MATR3: variants seen among roughly 807,000 people sequenced by gnomAD.
MATR3 encodes matrin-3.
MATR3 carries 4 observed loss-of-function variants against 85.5 expected under a neutral mutation model. The observed-to-expected ratio is 0.05, with a 90% CI of 0.02 to 0.11. MATR3 has a LOEUF of 0.11. Among genes scored for constraint, MATR3 ranks in the 10% least tolerant of loss-of-function variants. The pLI, the probability that MATR3 is intolerant of heterozygous loss-of-function variation, is 1.00. For missense variants in MATR3, 685 were observed against 1,016.1 expected (o/e 0.67, Z 4.43); for synonymous variants, 336 against 343.1 (o/e 0.98, Z 0.23).
chr5:139,300,899 C>T (rs1475325223), intron 1 of MATR3, among the ~76,000 whole-genome samples: 1 of 150,366 alleles, frequency 6.7e-6, no homozygotes, highest in East Asian at 2.0e-4. Context: ...CTGCAACCTC[C>T]GTCTTCTGGG....
intron 3 of MATR3, among the ~76,000 whole-genome samples, chr5:139,284,341 G>A (rs879263044): frequency 6.6e-6 from 1 of 152,024 alleles, no homozygotes; most frequent in Non-Finnish European, 1.5e-5. Context: ...GGCCGGGCGC[G>A]GTTGCCTATA....
At chr5:139,312,635 A>G (rs1453424348) in intron 2 of MATR3, 1 of 152,142 alleles carries the variant, frequency 6.6e-6, no homozygotes, top group Non-Finnish European at 1.5e-5. Context: ...GTTCCATTTT[A>G]GTTTACAGGA....
chr5:139,316,219 C>T (rs775077479), intron 5 of MATR3, 31 bp downstream of exon 5: 1 of 1,498,706 alleles, frequency 6.7e-7, no homozygotes, highest in South Asian at 1.1e-5. Context: ...TTACTTTTCC[C>T]TACAGAGCCG....
intron 7 of MATR3, among the ~76,000 whole-genome samples, chr5:139,318,165 G>A (rs999933998): frequency 7.2e-5 from 11 of 152,148 alleles, no homozygotes; most frequent in African/African-American, 2.4e-4. Flanking sequence ...TCGGAGTCTC[G>A]CTCTGTCACC....
At position 139,329,853 on chromosome 5, in the gene MATR3, C is replaced by T. The variant is rs531169751; in HGVS notation, c.*458C>T. The T allele has an allele frequency of 6.8e-5, 31 of 454,468 alleles. No individual in the cohort carries two copies. The highest frequency in any genetic ancestry group is 2.0e-4 in the South Asian group (13 of 64,472). 28.2% of individuals were successfully genotyped at this position (454,468 alleles called of 1,614,324 possible). A position where few individuals can be genotyped will look rare whatever the true frequency, so the allele number is the denominator to read the frequency against. ...CAGACTTTCATTTGGAGTTTGAACC[C>T]GTTTTGGTTGCATTTCATTTTTGGA... On this transcript the variant is annotated 3_prime_UTR_variant, in exon 15 of 15. Transcript: ENST00000394805.
chr5:139,293,721 C>G, upstream of MATR3: 1 of 357,140 alleles, frequency 2.8e-6, no homozygotes, highest in Non-Finnish European at 5.0e-6. Context: ...TCGCCAGCGC[C>G]GTTGCTGCGG....
chr5:139,313,157 C>G (rs1561936560), intron 2 of MATR3: 1 of 151,706 alleles, frequency 6.6e-6, no homozygotes, highest in Non-Finnish European at 1.5e-5. Context: ...AGACATCCCC[C>G]TTTAAAAACA....
chr5:139,290,288 C>T (rs574644573), upstream of MATR3, among the ~76,000 whole-genome samples: 21 of 151,356 alleles, frequency 1.4e-4, no homozygotes, highest in African/African-American at 4.4e-4. Flanking sequence ...GGATTACAGG[C>T]GAGCGCCACC....
At chr5:139,320,406 C>A (rs893106592) in intron 9 of MATR3, among the ~76,000 whole-genome samples, 10 of 152,110 alleles carry the variant, frequency 6.6e-5, no homozygotes, top group African/African-American at 2.4e-4. Flanking sequence ...GAGTTTGAGA[C>A]CGCCCTGACA....
intron 14 of MATR3, among the ~76,000 whole-genome samples, chr5:139,326,853 A>G (rs377276980): frequency 9.9e-5 from 15 of 152,246 alleles, no homozygotes; most frequent in African/African-American, 1.9e-4. Flanking sequence ...AACTTATTCA[A>G]GTATTCTCAG....
At chr5:139,305,423 G>T (rs1754659255) in intron 1 of MATR3, among the ~76,000 whole-genome samples, 1 of 152,104 alleles carries the variant, frequency 6.6e-6, no homozygotes, top group Admixed American at 6.5e-5. Context: ...TCAAAAGACT[G>T]ACTTTTCAGT....
At chr5:139,290,752 T>G (rs1236517526), upstream of MATR3, among the ~76,000 whole-genome samples, 1 of 152,002 alleles carries the variant, frequency 6.6e-6, no homozygotes, top group African/African-American at 2.4e-5. Context: ...TGTCTGGCTT[T>G]AAGTTTATTT....
chr5:139,277,761 C>CTTT (rs35759733), intron 2 of MATR3, among the ~76,000 whole-genome samples: 3 of 128,032 alleles, frequency 2.3e-5, no homozygotes, highest in East Asian at 2.5e-4. Flanking sequence ...GTCTGCTCGT[C>CTTT]TTTTTTTTTT....
intron 3 of MATR3, chr5:139,280,009 T>C (rs1228436729): frequency 6.6e-6 from 1 of 152,216 alleles, no homozygotes; most frequent in East Asian, 1.9e-4. Context: ...AAGTTTATTA[T>C]GCACTGCTGT....
intron 3 of MATR3, among the ~76,000 whole-genome samples, chr5:139,280,844 A>ATTCTG (rs56150096): frequency 0.89 from 135,577 of 151,858 alleles, 60,777 homozygotes; most frequent in African/African-American, 0.97. Context: ...ATTCATTGGT[A>ATTCTG]TTCCTGTATT....
chr5:139,326,438 T>TA (rs397813418), intron 14 of MATR3, among the ~76,000 whole-genome samples, 154 bp downstream of exon 14: 4 of 151,312 alleles, frequency 2.6e-5, no homozygotes, highest in East Asian at 1.9e-4. Context: ...TTTTTTTTTT[T>TA]AAAGACAGTT....
chr5:139,297,464 AAAC>A (rs1463193284), intron 1 of MATR3, among the ~76,000 whole-genome samples: 5 of 152,256 alleles, frequency 3.3e-5, no homozygotes, highest in South Asian at 2.1e-4. Context: ...GTAAAACAGA[AAAC>A]AAGCCTATGG....
At chr5:139,295,282 G>A (rs1230666249) in intron 1 of MATR3, among the ~76,000 whole-genome samples, 2 of 152,172 alleles carry the variant, frequency 1.3e-5, no homozygotes, top group Non-Finnish European at 2.9e-5. Flanking sequence ...AAACGCTCTG[G>A]ATGATGCCTT....
At position 139,303,352 on chromosome 5, in the gene MATR3, G is replaced by A. The variant is rs182822128; in HGVS notation, c.-177-3887G>A. Among the ~76,000 whole-genome samples, 279 of 152,202 alleles carry A rather than the reference G, an allele frequency of 1.8e-3. 1 individual carries two copies. The highest frequency in any genetic ancestry group is 6.1e-3 in the African/African-American group (253 of 41,528). ...CTTGACCTCGTGATCAACCCACCTC[G>A]GCTTCCCAAAGTGCAGGGATTACAG... On this transcript the variant is annotated intron_variant, in intron 1 of 14. Transcript: ENST00000394805.
Sources: allele counts gnomAD v4.1 joint callset (sites outside exome capture counted in the v4.1 genomes callset), GRCh38; gene constraint gnomAD v4.1.1; transcripts MANE v1.5; gene names NCBI Gene and HGNC (gene_info 2026-07-23, HGNC 2026-07-21).